RALYL: variants seen among roughly 807,000 people sequenced by gnomAD.
RALYL encodes the protein RNA-binding Raly-like protein.
Under a neutral mutation model 35.1 loss-of-function variants are expected in RALYL, and 29 were observed. The observed-to-expected ratio is 0.83, with a 90% CI of 0.61 to 1.13. RALYL has a LOEUF of 1.13. RALYL is among the 50% of genes most tolerant of loss of function. The pLI is 0.00. For synonymous variants in RALYL, 120 were observed against 127.6 expected, an observed-to-expected ratio of 0.94 and a Z score of 0.40; for missense variants, 359 against 360.4, an observed-to-expected ratio of 1.00 and a Z score of 0.03.
chr8:84,679,086 A>G, intron 2 of RALYL: 1 of 244,498 alleles, frequency 4.1e-6, no homozygotes, highest in African/African-American at 2.3e-5. Flanking sequence ...TACAGGTTGC[A>G]AGGTGTAGAA....
At chr8:84,304,628 C>A (rs1388171378) in intron 1 of RALYL, among the ~76,000 whole-genome samples, 2 of 152,090 alleles carry the variant, frequency 1.3e-5, no homozygotes, top group African/African-American at 2.4e-5. Context: ...GAAGTGACTT[C>A]TAATGTTATA....
In RALYL at chr8:84,578,859, T is replaced by A. The variant is rs148432312; in HGVS notation, c.256+49282T>A. ...TTTTATGAGCTCAAAAGGGAGGAAG[T>A]GCATGCTGATTGGTCCATAGGCGGC... On this transcript the variant is annotated intron_variant, in intron 2 of 8. Coordinates refer to ENST00000521268, the MANE Select transcript of RALYL (RefSeq NM_173848.7). 3.3e-5 allele frequency among the ~76,000 whole-genome samples: 5 copies of A among 152,224 alleles called. No homozygotes were observed. The East Asian group carries it at 9.7e-4, about 30-fold the overall frequency.
intron 2 of RALYL, among the ~76,000 whole-genome samples, chr8:84,645,931 ATAG>A (rs778408007): frequency 5.3e-5 from 8 of 151,958 alleles, no homozygotes; most frequent in Non-Finnish European, 1.0e-4. Context: ...TTTAAGTCTA[ATAG>A]TTTTACTTGA....
intron 1 of RALYL, among the ~76,000 whole-genome samples, chr8:84,367,092 G>A (rs991461502): frequency 2.7e-5 from 4 of 150,200 alleles, no homozygotes; most frequent in Non-Finnish European, 5.9e-5. Flanking sequence ...CAATTTTAGA[G>A]AAATATGTCT....
intron 8 of RALYL, among the ~76,000 whole-genome samples, chr8:84,913,048 A>G (rs62526877): frequency 0.029 from 1,891 of 64,152 alleles, 21 homozygotes; most frequent in Non-Finnish European, 0.044. Context: ...AGGTAGATAG[A>G]TAGATAGATA....
chr8:84,360,969 A>G (rs1409904649), intron 1 of RALYL, among the ~76,000 whole-genome samples: 1 of 151,844 alleles, frequency 6.6e-6, no homozygotes, highest in African/African-American at 2.4e-5. Context: ...AAAGAAAAAA[A>G]AAAAAAAAGA....
chr8:84,876,983 T>G (rs1453520910), intron 7 of RALYL, among the ~76,000 whole-genome samples: 1 of 152,218 alleles, frequency 6.6e-6, no homozygotes, highest in Non-Finnish European at 1.5e-5. Context: ...CATGCACTTT[T>G]CAGTTTGCTA....
intron 2 of RALYL, among the ~76,000 whole-genome samples, chr8:84,749,839 A>G (rs9298427): frequency 0.33 from 50,329 of 152,074 alleles, 10,032 homozygotes; most frequent in African/African-American, 0.56. Flanking sequence ...CAGAAGTCCA[A>G]CATTCATTGT....
intron 1 of RALYL, among the ~76,000 whole-genome samples, chr8:84,388,945 A>C (rs952852825): frequency 6.6e-6 from 1 of 152,132 alleles, no homozygotes; most frequent in African/African-American, 2.4e-5. Context: ...GGTGTTGCCT[A>C]GGTTTTCTTC....
At position 84,703,951 on chromosome 8, in the gene RALYL, G is replaced by T. The variant is rs188279822; in HGVS notation, c.257-70628G>T. Among the ~76,000 whole-genome samples the T allele has an allele frequency of 7.9e-3, 1,205 of 152,140 alleles. 14 individuals are homozygous for T. Among genetic ancestry groups the T allele is most frequent in the African/African-American group, 0.027 (1,118 of 41,512 alleles). ...AATTTCATCAAAATCTATATACTGA[G>T]AACTCACGTAATGAGAGAATGCATT... On this transcript the variant is annotated intron_variant, in intron 2 of 8. Coordinates refer to ENST00000521268, the MANE Select transcript of RALYL (RefSeq NM_173848.7).
At chr8:84,487,486 G>T (rs1217282963) in intron 1 of RALYL, among the ~76,000 whole-genome samples, 2 of 152,054 alleles carry the variant, frequency 1.3e-5, no homozygotes, top group African/African-American at 4.8e-5. Flanking sequence ...AATGGTGGTT[G>T]GTTAATAGAA....
chr8:84,654,622 C>T (rs994970284), intron 2 of RALYL, among the ~76,000 whole-genome samples: 1 of 151,972 alleles, frequency 6.6e-6, no homozygotes, highest in Non-Finnish European at 1.5e-5. Context: ...TTCTACTTTA[C>T]ATCTCCAGGA....
chr8:84,908,192 A>G (rs1351597625), intron 8 of RALYL, among the ~76,000 whole-genome samples: 1 of 152,210 alleles, frequency 6.6e-6, no homozygotes, highest in Non-Finnish European at 1.5e-5. Flanking sequence ...CACCCCAAAT[A>G]CTTATCAATT....
chr8:84,316,118 T>C (rs1042177468), intron 1 of RALYL, among the ~76,000 whole-genome samples: 1 of 152,110 alleles, frequency 6.6e-6, no homozygotes, highest in African/African-American at 2.4e-5. Context: ...AGCTCACGTT[T>C]CCATCAGGAT....
chr8:84,257,880 A>G (rs1387292540), intron 1 of RALYL, among the ~76,000 whole-genome samples: 1 of 152,154 alleles, frequency 6.6e-6, no homozygotes, highest in Non-Finnish European at 1.5e-5. Context: ...TTATTTTGTG[A>G]AAAAAAGAAC....
intron 1 of RALYL, among the ~76,000 whole-genome samples, chr8:84,511,410 C>T (rs2057607995): frequency 6.6e-6 from 1 of 152,058 alleles, no homozygotes; most frequent in South Asian, 2.1e-4. Flanking sequence ...TGTTAGAATT[C>T]TCTTATTTTT....
intron 2 of RALYL, chr8:84,706,196 C>G: frequency 1.3e-6 from 1 of 785,162 alleles, no homozygotes; most frequent in Non-Finnish European, 2.0e-6. Flanking sequence ...TCACCCTAAC[C>G]TTTATCTTTA....
At chr8:84,674,635 A>T (rs1207435761) in intron 2 of RALYL, among the ~76,000 whole-genome samples, 7 of 152,208 alleles carry the variant, frequency 4.6e-5, no homozygotes, top group Non-Finnish European at 1.5e-5. Context: ...AGTACTTCAA[A>T]GGTAATTCTT....
chr8:84,310,355 G>GAAA (rs112900224), intron 1 of RALYL, among the ~76,000 whole-genome samples: 3,946 of 147,908 alleles, frequency 0.027, 90 homozygotes, highest in Non-Finnish European at 0.03. Context: ...TTTTTTTAAA[G>GAAA]AAAAAAAAAA....
Sources: gnomAD v4.1 joint callset for allele counts (sites outside exome capture counted in the v4.1 genomes callset) on GRCh38, gnomAD v4.1.1 for gene constraint, MANE v1.5 for transcripts, NCBI Gene and HGNC (gene_info 2026-07-23, HGNC 2026-07-21) for gene names.